Variants in C1orf21 observed in about 807,000 individuals in gnomAD.
The protein encoded by C1orf21 is uncharacterized protein C1orf21.
Under a neutral mutation model 18.7 loss-of-function variants are expected in C1orf21, and 3 were observed. The ratio of observed to expected loss-of-function variants is 0.16; its 90% CI spans 0.07 to 0.42. C1orf21 has a LOEUF of 0.42. Among genes scored for constraint, C1orf21 ranks in the 10% least tolerant of loss-of-function variants. The pLI is 0.99. For missense variants in C1orf21, 104 were observed against 143.6 expected, an observed-to-expected ratio of 0.72 and a Z score of 1.41; for synonymous variants, 41 against 46.4, an observed-to-expected ratio of 0.88 and a Z score of 0.47.
At chr1:184,599,446 T>C (rs577399403) in intron 5 of C1orf21, 2 of 152,194 alleles carry the variant, frequency 1.3e-5, no homozygotes, top group Non-Finnish European at 2.9e-5. Context: ...CACTTTGACA[T>C]GGACCCTCTG....
intron 3 of C1orf21, among the ~76,000 whole-genome samples, chr1:184,539,691 T>C (rs1658617123): frequency 6.6e-6 from 1 of 152,230 alleles, no homozygotes; most frequent in Non-Finnish European, 1.5e-5. Context: ...TTATATGGTA[T>C]GGTAGTCACT....
intron 4 of C1orf21, chr1:184,592,127 G>A (rs900108592): frequency 6.6e-6 from 1 of 152,102 alleles, no homozygotes; most frequent in African/African-American, 2.4e-5. Context: ...TGGAACCAGA[G>A]GCTCTATTTC....
At chr1:184,453,597 G>C (rs1657154462) in intron 1 of C1orf21, among the ~76,000 whole-genome samples, 1 of 152,116 alleles carries the variant, frequency 6.6e-6, no homozygotes, top group African/African-American at 2.4e-5. Flanking sequence ...CTGAAGCCTT[G>C]ACTTTGCTTG....
chr1:184,576,526 A>G (rs1282871777), intron 3 of C1orf21, among the ~76,000 whole-genome samples: 2 of 152,118 alleles, frequency 1.3e-5, no homozygotes, highest in African/African-American at 2.4e-5. Context: ...CTCTGTCCTC[A>G]TTGGCACTGC....
intron 1 of C1orf21, among the ~76,000 whole-genome samples, chr1:184,414,485 A>G (rs1203892331): frequency 1.3e-5 from 2 of 152,164 alleles, no homozygotes; most frequent in African/African-American, 4.8e-5. Context: ...AAGAGAGGGC[A>G]GATATTATTC....
At chr1:184,547,396 T>C (rs1480328256) in intron 3 of C1orf21, among the ~76,000 whole-genome samples, 2 of 151,372 alleles carry the variant, frequency 1.3e-5, no homozygotes, top group Admixed American at 6.6e-5. Flanking sequence ...TCCTACTTCC[T>C]TGCCATTTAA....
intron 3 of C1orf21, among the ~76,000 whole-genome samples, chr1:184,573,634 CT>C (rs553898176): frequency 3.3e-5 from 5 of 151,374 alleles, no homozygotes; most frequent in Middle Eastern, 3.2e-3. Context: ...GCGAGCTTCA[CT>C]TTTTTTTTCT....
intron 1 of C1orf21, among the ~76,000 whole-genome samples, chr1:184,429,716 A>G (rs1656704267): frequency 6.6e-6 from 1 of 152,188 alleles, no homozygotes; most frequent in Non-Finnish European, 1.5e-5. Flanking sequence ...AGTATACTAA[A>G]AATACAAAGA....
At chr1:184,563,430 C>T (rs1233535406) in intron 3 of C1orf21, among the ~76,000 whole-genome samples, 3 of 152,176 alleles carry the variant, frequency 2.0e-5, no homozygotes, top group African/African-American at 7.2e-5. Context: ...ATTACAAGCT[C>T]ATCCTACCCC....
chr1:184,460,552 C>T (rs1657285360), intron 1 of C1orf21, among the ~76,000 whole-genome samples: 1 of 152,058 alleles, frequency 6.6e-6, no homozygotes, highest in Admixed American at 6.5e-5. Flanking sequence ...CTTCACCTCA[C>T]TAGGGCACGG....
At chr1:184,470,829 A>G (rs538974021) in intron 1 of C1orf21, among the ~76,000 whole-genome samples, 14 of 152,148 alleles carry the variant, frequency 9.2e-5, no homozygotes, top group African/African-American at 2.6e-4. Context: ...CAGTGAGCTG[A>G]GATCACACCA....
At chr1:184,497,165 G>T (rs1657905446) in intron 2 of C1orf21, among the ~76,000 whole-genome samples, 1 of 152,208 alleles carries the variant, frequency 6.6e-6, no homozygotes, top group South Asian at 2.1e-4. Flanking sequence ...AAACTGAGCA[G>T]AATGTGTTGC....
rs1432793379 is a variant in C1orf21, at chr1:184,590,602, AC to A, written c.190-136del. On this transcript the variant is annotated intron_variant, in intron 3 of 5. Coordinates refer to ENST00000235307, the MANE Select transcript of C1orf21 (RefSeq NM_030806.4). ...TGTTCTGTGTGTCATCTTTGCAAGGACTTTTGCCCTTGTGAGGTAACCAGCC... is the reference window on the plus strand; with the variant it reads ...TGTTCTGTGTGTCATCTTTGCAAGGATTTTGCCCTTGTGAGGTAACCAGCC... The A allele has an allele frequency of 5.6e-6, 4 of 719,646 alleles. No individual in the cohort carries two copies. The African/African-American group carries it at 7.1e-5, about 13-fold the overall frequency. The allele number at this position is 719,646 out of a possible 1,614,324, so 44.6% of individuals were successfully genotyped here.
At chr1:184,399,263 A>AT (rs1294938274) in intron 1 of C1orf21, among the ~76,000 whole-genome samples, 1 of 151,136 alleles carries the variant, frequency 6.6e-6, no homozygotes, top group African/African-American at 2.4e-5. Flanking sequence ...CTGTTTCCTC[A>AT]TGTATTTCCT....
chr1:184,423,863 A>G lies in C1orf21; in HGVS notation c.-125+36495A>G, dbSNP rs530160283. On this transcript the variant is annotated intron_variant, in intron 1 of 5. Transcript: ENST00000235307. ...CCACTCATCCATCCACCCATCGTCC[A>G]TCCATCCATCCATCCATCCATCCAT... 4.2e-5 allele frequency among the ~76,000 whole-genome samples: 6 copies of G among 142,412 alleles called. No homozygotes were observed. In the East Asian group the frequency reaches 7.9e-4, roughly 19 times the overall value. The allele number at this position is 142,412 out of a possible 152,430, so 93.4% of individuals were successfully genotyped here. A position where few individuals can be genotyped will look rare whatever the true frequency, so the allele number is the denominator to read the frequency against.
chr1:184,482,429 C>T (rs1470397128), intron 2 of C1orf21, among the ~76,000 whole-genome samples: 1 of 152,196 alleles, frequency 6.6e-6, no homozygotes, highest in Admixed American at 6.5e-5. Context: ...AGAGTCTCTC[C>T]ACCTCTTGAG....
chr1:184,604,518 A>C (rs1409702411), intron 5 of C1orf21, among the ~76,000 whole-genome samples: 6 of 152,136 alleles, frequency 3.9e-5, no homozygotes, highest in Non-Finnish European at 8.8e-5. Context: ...CTCATAACCA[A>C]GTCTGTTTTT....
At chr1:184,577,472 C>T (rs1659209487) in intron 3 of C1orf21, among the ~76,000 whole-genome samples, 1 of 152,012 alleles carries the variant, frequency 6.6e-6, no homozygotes, top group African/African-American at 2.4e-5. Context: ...TTTGTTAAAG[C>T]AGCAGTAGGA....
chr1:184,509,106 A>G (rs1658107801), intron 3 of C1orf21, among the ~76,000 whole-genome samples: 1 of 152,194 alleles, frequency 6.6e-6, no homozygotes, highest in African/African-American at 2.4e-5. Context: ...GTAGTCTGGC[A>G]GTGGTTTCTC....
Sources: allele counts gnomAD v4.1 joint callset (sites outside exome capture counted in the v4.1 genomes callset), GRCh38; gene constraint gnomAD v4.1.1; transcripts MANE v1.5; gene names NCBI Gene and HGNC (gene_info 2026-07-23, HGNC 2026-07-21).